ERBIN: variants seen among roughly 807,000 people sequenced by gnomAD.
ERBIN encodes densin-180-like protein.
ERBIN carries 60 observed loss-of-function variants against 158.4 expected under a neutral mutation model. That is an observed-to-expected ratio of 0.38 (90% CI 0.31 to 0.47). The LOEUF is 0.47. Ranked by LOEUF, ERBIN falls within the 20% of genes least tolerant of loss-of-function variation. The pLI, the probability that ERBIN is intolerant of heterozygous loss-of-function variation, is 0.99. For synonymous variants in ERBIN, 594 were observed against 557.2 expected (o/e 1.07, Z -0.93); for missense variants, 1,610 against 1,648.0 (o/e 0.98, Z 0.40).
intron 14 of ERBIN, among the ~76,000 whole-genome samples, chr5:66,037,519 G>C (rs1469020276): frequency 6.6e-6 from 1 of 152,082 alleles, no homozygotes; most frequent in East Asian, 1.9e-4. Context: ...AAATTGTTCA[G>C]GAATTTGAAA....
chr5:65,951,369 T>G (rs1478813505), intron 1 of ERBIN, among the ~76,000 whole-genome samples: 1 of 152,208 alleles, frequency 6.6e-6, no homozygotes, highest in African/African-American at 2.4e-5. Flanking sequence ...ATCTGGCACA[T>G]AATAAGTGCT....
intron 1 of ERBIN, among the ~76,000 whole-genome samples, chr5:65,964,947 A>AGTGTGTGTGTGTGTGTGT (rs1748387029): frequency 1.3e-5 from 1 of 75,676 alleles, no homozygotes; most frequent in African/African-American, 7.6e-5. Context: ...TGTGTGTGTA[A>AGTGTGTGTGTGTGTGTGT]TTTTTTTTTT....
At position 66,072,199 on chromosome 5, in the gene ERBIN, C is replaced by G; in HGVS notation, c.3664C>G (p.Pro1222Ala). The part of the protein sequence containing the change: ...KHPQTSSSGD[P>A]CQDGIFISGQ... ...TCCCCAGACATCCAGTTCAGGAGAT[C>G]CTTGTCAAGATGGTATATTCATTTC... Residue 1222 changes from proline (P) to alanine (A), a missense_variant, in exon 22 of 26, where the codon CCT (proline) becomes GCT (alanine). Coordinates refer to ENST00000284037, the MANE Select transcript of ERBIN (RefSeq NM_001253697.2). The G allele has an allele frequency of 6.5e-7, 1 of 1,550,258 alleles. No individual in the cohort carries two copies. The highest frequency in any genetic ancestry group is 8.7e-7 in the Non-Finnish European group (1 of 1,146,758).
rs374347569 is a variant in ERBIN, at chr5:66,024,414, T to G, written c.781T>G (p.Ser261Ala). The G allele has an allele frequency of 6.2e-7, 1 of 1,602,594 alleles. No individual in the cohort carries two copies. Among genetic ancestry groups the G allele is most frequent in the Non-Finnish European group, 8.5e-7 (1 of 1,177,122 alleles). The change falls in exon 10 of 26, where the codon TCA (serine) becomes GCA (alanine). Residue 261 changes from serine (S) to alanine (A), a missense_variant. Physicochemically the swap from Ser to Ala is moderately conservative, Grantham distance 99 (BLOSUM62 1). Transcript: ENST00000284037. ...TGAAAACCTTCAAGACCTCCTATTA[T>G]CAAGCAATTCACTTCAGCAGCTTCC... ...TCENLQDLLL[S>A]SNSLQQLPET... is the part of the protein sequence containing the mutation.
In ERBIN at chr5:66,038,428, C is replaced by G; in HGVS notation, c.1252C>G (p.Gln418Glu). The change falls in exon 15 of 26, where the codon CAG (glutamine) becomes GAG (glutamate). Residue 418 changes from glutamine (Q) to glutamate (E), a missense_variant. By Grantham distance (29) the Gln-to-Glu change is conservative. Transcript: ENST00000284037. The stretch of plus-strand genomic sequence containing the variant: ...TCAAAAAGAAACTGATTCAGAGACC[C>G]AGAAAATGGTGCTTACCAACTACAT... ...PLQKETDSET[Q>E]KMVLTNYMFP... 1 of 1,612,214 alleles carries G rather than the reference C, an allele frequency of 6.2e-7. No homozygotes were observed.
At chr5:65,991,760 C>T (rs760035007) in intron 2 of ERBIN, among the ~76,000 whole-genome samples, 7 of 152,134 alleles carry the variant, frequency 4.6e-5, no homozygotes, top group Non-Finnish European at 7.4e-5. Context: ...TCAGAATTGG[C>T]CTTTTCCCTC....
intron 21 of ERBIN, chr5:66,068,826 G>A: frequency 6.9e-6 from 10 of 1,455,006 alleles, no homozygotes; most frequent in Non-Finnish European, 8.2e-6. Flanking sequence ...ATGTCTCGTG[G>A]ATTTTGCATG....
intron 1 of ERBIN, among the ~76,000 whole-genome samples, chr5:65,961,518 T>C (rs1747916221): frequency 6.6e-6 from 1 of 152,064 alleles, no homozygotes; most frequent in Admixed American, 6.5e-5. Context: ...TATGTATTAA[T>C]TGTAATTATT....
intron 1 of ERBIN, among the ~76,000 whole-genome samples, chr5:65,933,472 T>C (rs1019672138): frequency 1.3e-5 from 2 of 152,234 alleles, no homozygotes; most frequent in Admixed American, 1.3e-4. Context: ...GTCTCCTTTT[T>C]TCATAATCAC....
At chr5:66,018,469 T>TA (rs1755088919) in intron 7 of ERBIN, among the ~76,000 whole-genome samples, 1 of 3,474 alleles carries the variant, frequency 2.9e-4, no homozygotes, top group African/African-American at 1.3e-3. Context: ...TTATATAATA[T>TA]ATATTATATA....
chr5:66,045,817 CCT>C (rs1758386728), intron 17 of ERBIN, among the ~76,000 whole-genome samples: 1 of 152,072 alleles, frequency 6.6e-6, no homozygotes. Flanking sequence ...AATTTTTCCC[CCT>C]GTTAATATTG....
rs1747110272 is a variant in ERBIN at position 65,956,252 on chromosome 5, G to A, written c.-58+29446G>A. On this transcript the variant is annotated intron_variant, in intron 1 of 25. Coordinates refer to ENST00000284037, the MANE Select transcript of ERBIN (RefSeq NM_001253697.2). The stretch of plus-strand genomic sequence containing the variant: ...GAAACTGAAGGCCCTTCGGGGTGTG[G>A]GTGTGTGGTGGTAGTGGTGATGTTT... Among the ~76,000 whole-genome samples the A allele has an allele frequency of 2.0e-5, 3 of 150,718 alleles. No homozygotes were observed. In the South Asian group the frequency reaches 6.2e-4, roughly 31 times the overall value.
intron 4 of ERBIN, among the ~76,000 whole-genome samples, chr5:65,999,096 T>C (rs1752756119): frequency 6.6e-6 from 1 of 151,832 alleles, no homozygotes; most frequent in Non-Finnish European, 1.5e-5. Context: ...TGGCTGTGCG[T>C]GGTGGCTCAC....
At chr5:65,947,000 G>C (rs569892154) in intron 1 of ERBIN, among the ~76,000 whole-genome samples, 1 of 151,684 alleles carries the variant, frequency 6.6e-6, no homozygotes, top group African/African-American at 2.4e-5. Flanking sequence ...TCTTTATATG[G>C]ATCCGTTTTT....
chr5:66,054,217 T>C lies in ERBIN; in HGVS notation c.2899T>C (p.Ser967Pro), dbSNP rs1249899639. Residue 967 changes from serine (S) to proline (P), a missense_variant, in exon 21 of 26, where the codon TCT becomes CCT. Transcript: ENST00000284037. ...AAGAGGCCCCACAAGTGGCCCACAA[T>C]CTGCACCTCAAATATATGGTCCTCC... ...IIRGPTSGPQ[S>P]APQIYGPPQY... 6.2e-6 allele frequency: 10 copies of C among 1,614,122 alleles called. No homozygotes were observed. Among genetic ancestry groups the C allele is most frequent in the Non-Finnish European group, 8.5e-6 (10 of 1,180,028 alleles).
chr5:66,023,545 T>C (rs1755918184), intron 9 of ERBIN, among the ~76,000 whole-genome samples, 181 bp downstream of exon 9: 1 of 152,228 alleles, frequency 6.6e-6, no homozygotes, highest in Admixed American at 6.5e-5. Flanking sequence ...ATTCTCATAA[T>C]AAACATTTGT....
intron 1 of ERBIN, among the ~76,000 whole-genome samples, chr5:65,975,638 CT>C (rs1229988447): frequency 6.6e-6 from 1 of 152,186 alleles, no homozygotes; most frequent in Non-Finnish European, 1.5e-5. Context: ...GTTTTAAGAA[CT>C]GTTTTTCTTG....
At chr5:66,026,837 C>T (rs1401156340) in intron 13 of ERBIN, among the ~76,000 whole-genome samples, 1 of 151,946 alleles carries the variant, frequency 6.6e-6, no homozygotes, top group Non-Finnish European at 1.5e-5. Context: ...TCTTTATTCT[C>T]TTCTTACAGT....
intron 1 of ERBIN, among the ~76,000 whole-genome samples, chr5:65,968,234 A>C (rs763760963): frequency 1.3e-5 from 2 of 152,192 alleles, no homozygotes; most frequent in Non-Finnish European, 2.9e-5. Context: ...AAGTCAGTGT[A>C]AGTAGAAGGT....
Sources: gnomAD v4.1 joint callset for allele counts (sites outside exome capture counted in the v4.1 genomes callset) on GRCh38, gnomAD v4.1.1 for gene constraint, MANE v1.5 for transcripts, NCBI Gene and HGNC (gene_info 2026-07-23, HGNC 2026-07-21) for gene names.